The following SLC1A6 variants were observed in gnomAD, a reference collection of about 807,000 sequenced individuals.
The protein encoded by SLC1A6 is solute carrier family 1 member 6, also known as excitatory amino acid transporter 4.
In SLC1A6, 15 loss-of-function variants were observed where a neutral mutation model predicts 42.1. The observed-to-expected ratio is 0.36, with a 90% confidence interval of 0.24 to 0.55. SLC1A6 has a LOEUF of 0.55. Ranked by LOEUF, SLC1A6 falls within the 20% of genes least tolerant of loss-of-function variation. The pLI is 0.88. For missense variants in SLC1A6, 542 were observed against 772.5 expected, an observed-to-expected ratio of 0.70 and a Z score of 3.54; for synonymous variants, 317 against 319.7, an observed-to-expected ratio of 0.99 and a Z score of 0.09.
chr19:14,956,636 C>G lies in SLC1A6; in HGVS notation c.1009G>C (p.Gly337Arg). The G allele has an allele frequency of 6.2e-7, 1 of 1,613,834 alleles. No individual in the cohort carries two copies. The highest frequency in any genetic ancestry group is 8.5e-7 in the Non-Finnish European group (1 of 1,179,900). ...GTCAGGGTGTACATGCCCAGCTGAC[C>G]CCCCAGGACGGCCATGTCTTCCATC... ...LEMEDMAVLG[G>R]QLGMYTLTVI... is the part of the protein sequence containing the mutation. The change falls in exon 7 of 10, where the codon GGT becomes CGT. Residue 337 changes from glycine to arginine, a missense_variant. Transcript: ENST00000594383.
In SLC1A6 at chr19:14,991,982, C is replaced by G. The variant is rs553196576; in HGVS notation, c.6+18503G>C. 6.8e-4 allele frequency among the ~76,000 whole-genome samples: 104 copies of G among 152,218 alleles called. 1 individual carries two copies. Among genetic ancestry groups the G allele is most frequent in the African/African-American group, 2.4e-3 (98 of 41,540 alleles). ...CTGGGATTACAGGTGCCTACCACCA[C>G]GTCCAGCTAATTTTTGTATTTTTAG... On this transcript the variant is annotated intron_variant, in intron 1 of 8. Transcript: ENST00000430939.
chr19:15,002,432 G>A (rs1188139257), intron 1 of SLC1A6, among the ~76,000 whole-genome samples: 1 of 152,190 alleles, frequency 6.6e-6, no homozygotes, highest in African/African-American at 2.4e-5. Flanking sequence ...CACCATGCCT[G>A]GCTTGGATTT....
intron 1 of SLC1A6, among the ~76,000 whole-genome samples, chr19:14,989,357 G>C (rs2045807637): frequency 6.6e-6 from 1 of 152,024 alleles, no homozygotes; most frequent in South Asian, 2.1e-4. Flanking sequence ...CACCTCCTGG[G>C]TTCAAGCAAT....
rs369957820 is a variant in SLC1A6, at chr19:14,962,422, A to G, written c.592-77T>C. The G allele has an allele frequency of 5.0e-4, 497 of 1,001,364 alleles. 2 individuals carry two copies. In the South Asian group the frequency reaches 7.1e-3, roughly 14 times the overall value. 62.0% of individuals were successfully genotyped at this position (1,001,364 alleles called of 1,614,324 possible). ...TCGCCTGGAGAAATTCCTTGAGACC[A>G]CTGATTCCCAGTTCCCACACCCTGG... On this transcript the variant is annotated intron_variant, in intron 5 of 9. Transcript: ENST00000594383.
At chr19:15,002,234 T>C (rs888163938) in intron 1 of SLC1A6, among the ~76,000 whole-genome samples, 9 of 152,094 alleles carry the variant, frequency 5.9e-5, no homozygotes, top group Non-Finnish European at 1.0e-4. Flanking sequence ...AGATTCCAGA[T>C]ATGCACCACC....
intron 1 of SLC1A6, among the ~76,000 whole-genome samples, chr19:14,997,048 A>G: frequency 6.6e-6 from 1 of 152,166 alleles, no homozygotes; most frequent in Non-Finnish European, 1.5e-5. Context: ...CTCCGATTCT[A>G]TTCCTAAAAA....
chr19:14,987,197 G>A lies in SLC1A6; in HGVS notation c.7-14280C>T, dbSNP rs553414684. On this transcript the variant is annotated intron_variant, in intron 1 of 8. Coordinates refer to the SLC1A6 transcript ENST00000430939. ...AAAAACAATAATGAGGGCTGGATGC[G>A]GTGGCTCACACCTGTAATCCCAGCA... 2.6e-3 allele frequency among the ~76,000 whole-genome samples: 399 copies of A among 152,158 alleles called. 4 individuals carry two copies. The highest frequency in any genetic ancestry group is 9.1e-3 in the African/African-American group (376 of 41,518).
intron 4 of SLC1A6, among the ~76,000 whole-genome samples, chr19:14,967,296 T>C (rs1411843751): frequency 6.6e-6 from 1 of 152,172 alleles, no homozygotes; most frequent in African/African-American, 2.4e-5. Context: ...TCCTTCAGTA[T>C]GAGTTGTTGC....
At chr19:14,993,940 A>G (rs1370104471) in intron 1 of SLC1A6, among the ~76,000 whole-genome samples, 1 of 151,990 alleles carries the variant, frequency 6.6e-6, no homozygotes, top group Non-Finnish European at 1.5e-5. Context: ...AGCACTTGCA[A>G]CAGAATGCTT....
At chr19:14,989,711 A>G (rs2045809683) in intron 1 of SLC1A6, among the ~76,000 whole-genome samples, 1 of 150,798 alleles carries the variant, frequency 6.6e-6, no homozygotes, top group African/African-American at 2.4e-5. Context: ...ACAGTGGCTC[A>G]TGCCTGTAAT....
At chr19:14,959,951 G>A (rs2045494668) in intron 6 of SLC1A6, among the ~76,000 whole-genome samples, 1 of 152,074 alleles carries the variant, frequency 6.6e-6, no homozygotes, top group Non-Finnish European at 1.5e-5. Flanking sequence ...GTGTTATATT[G>A]ATCTACAATG....
intron 1 of SLC1A6, among the ~76,000 whole-genome samples, chr19:15,006,651 C>T (rs914313198): frequency 2.0e-4 from 30 of 151,112 alleles, no homozygotes; most frequent in African/African-American, 5.6e-4. Flanking sequence ...TGGACAGGCA[C>T]GGTGGCTCAT....
intron 1 of SLC1A6, among the ~76,000 whole-genome samples, chr19:15,006,999 T>TTACGTAATCCTCTAATAAG (rs1314487824): frequency 8.5e-5 from 13 of 152,148 alleles, no homozygotes; most frequent in African/African-American, 2.9e-4. Flanking sequence ...ATTCTTCCAC[T>TTACGTAATCCTCTAATAAG]TACGTATTCC....
chr19:14,994,514 A>G (rs564884925), intron 1 of SLC1A6, among the ~76,000 whole-genome samples: 1 of 152,094 alleles, frequency 6.6e-6, no homozygotes, highest in East Asian at 1.9e-4. Context: ...CTCCCCTCAA[A>G]CTGCCCAGTC....
intron 7 of SLC1A6, 140 bp from the exon 8 acceptor site, chr19:14,954,469 G>T: frequency 2.7e-6 from 2 of 739,842 alleles, no homozygotes; most frequent in East Asian, 2.7e-5. Context: ...GACCTAGTGG[G>T]GTACGGCTGA....
intron 8 of SLC1A6, among the ~76,000 whole-genome samples, chr19:14,953,387 C>G (rs2045431532): frequency 6.6e-6 from 1 of 151,660 alleles, no homozygotes; most frequent in Non-Finnish European, 1.5e-5. Flanking sequence ...TCCTGAGTAG[C>G]TGGGACCACA....
chr19:15,006,748 A>T (rs1293025356), intron 1 of SLC1A6, among the ~76,000 whole-genome samples: 1 of 129,072 alleles, frequency 7.7e-6, no homozygotes, highest in Non-Finnish European at 1.6e-5. Flanking sequence ...AGATAGCAAG[A>T]CCCTGTCTCT....
intron 1 of SLC1A6, among the ~76,000 whole-genome samples, chr19:14,996,504 C>T (rs2045846504): frequency 1.4e-5 from 2 of 147,934 alleles, no homozygotes; most frequent in African/African-American, 5.0e-5. Flanking sequence ...TTTCCTCCTC[C>T]TCCTCCTCCC....
In SLC1A6 at chr19:14,950,116, T is replaced by C. The variant is rs947997296; in HGVS notation, c.*79A>G. The C allele has an allele frequency of 1.0e-5, 11 of 1,073,892 alleles. No homozygotes were observed. Among genetic ancestry groups the C allele is most frequent in the Admixed American group, 6.0e-5 (2 of 33,068 alleles). 66.5% of individuals were successfully genotyped at this position (1,073,892 alleles called of 1,614,324 possible). A position where few individuals can be genotyped will look rare whatever the true frequency, so the allele number is the denominator to read the frequency against. On this transcript the variant is annotated 3_prime_UTR_variant, in exon 10 of 10. Transcript: ENST00000594383. Reference sequence around the variant, plus strand: ...GAACGTGTGTTCAGCCCACGGTCAGTTGGGCAACAGATGTGTCACCAGGAC... The same window carrying C: ...GAACGTGTGTTCAGCCCACGGTCAGCTGGGCAACAGATGTGTCACCAGGAC...
Sources: allele counts gnomAD v4.1 joint callset (sites outside exome capture counted in the v4.1 genomes callset), GRCh38; gene constraint gnomAD v4.1.1; transcripts MANE v1.5; gene names NCBI Gene and HGNC (gene_info 2026-07-23, HGNC 2026-07-21).